Variants in ZNF385D observed in about 807,000 individuals in gnomAD.
ZNF385D encodes the protein zinc finger protein 659.
ZNF385D carries 15 observed loss-of-function variants against 35.8 expected under a neutral mutation model. That is an observed-to-expected ratio of 0.42 (90% confidence interval 0.28 to 0.64). The LOEUF is 0.64. Ranked by LOEUF, ZNF385D falls within the 30% of genes least tolerant of loss-of-function variation. The pLI is 0.23. For synonymous variants in ZNF385D, 212 were observed against 186.8 expected (o/e 1.13, Z -1.10); for missense variants, 474 against 494.6 (o/e 0.96, Z 0.39).
chr3:21,764,970 T>C (rs192825026), intron 3 of ZNF385D, among the ~76,000 whole-genome samples: 1 of 152,286 alleles, frequency 6.6e-6, no homozygotes, highest in African/African-American at 2.4e-5. Flanking sequence ...AAAGATCTTC[T>C]AGCATTGAGA....
At chr3:21,441,700 G>A (rs1663981173) in intron 4 of ZNF385D, 2 of 985,200 alleles carry the variant, frequency 2.0e-6, no homozygotes, top group African/African-American at 3.5e-5. Context: ...TGTGCAGAAT[G>A]GTAAGAATAA....
At chr3:21,757,626 C>T (rs908635366) in intron 3 of ZNF385D, among the ~76,000 whole-genome samples, 2 of 152,092 alleles carry the variant, frequency 1.3e-5, no homozygotes, top group Non-Finnish European at 1.5e-5. Flanking sequence ...CTGTCCTAGG[C>T]GCTAAAGGTA....
chr3:21,957,926 A>G (rs952493857), intron 3 of ZNF385D, among the ~76,000 whole-genome samples: 5 of 152,114 alleles, frequency 3.3e-5, no homozygotes, highest in Non-Finnish European at 5.9e-5. Flanking sequence ...CTAATGTACC[A>G]CTAATGTTGT....
At position 21,811,903 on chromosome 3, in the gene ZNF385D, C is replaced by T. The variant is rs541709829; in HGVS notation, c.326-146875G>A. Among the ~76,000 whole-genome samples, 10 of 152,248 alleles carry T rather than the reference C, an allele frequency of 6.6e-5. 1 individual carries two copies. The South Asian group carries it at 2.1e-3, about 32-fold the overall frequency. ...TAGATTAGGGTAACAAAACCTGATC[C>T]ATTGATCAATCTTAACAACACACAA... On this transcript the variant is annotated intron_variant, in intron 3 of 5. Coordinates refer to the ZNF385D transcript ENST00000494108.
intron 3 of ZNF385D, among the ~76,000 whole-genome samples, chr3:21,815,008 T>G (rs2073086014): frequency 6.6e-6 from 1 of 152,136 alleles, no homozygotes. Context: ...GTAGTCAAAT[T>G]AGAACTCAGA....
intron 3 of ZNF385D, among the ~76,000 whole-genome samples, chr3:22,043,162 C>A (rs1447387963): frequency 6.6e-6 from 1 of 152,006 alleles, no homozygotes; most frequent in African/African-American, 2.4e-5. Flanking sequence ...GTTATTTATC[C>A]CTAATGTTAA....
intron 3 of ZNF385D, among the ~76,000 whole-genome samples, chr3:22,046,232 T>C (rs1282352598): frequency 6.6e-6 from 1 of 152,006 alleles, no homozygotes; most frequent in Admixed American, 6.6e-5. Flanking sequence ...CAACACACAT[T>C]TTTGTAGATT....
intron 3 of ZNF385D, among the ~76,000 whole-genome samples, chr3:21,976,870 C>A (rs1576060399): frequency 6.6e-6 from 1 of 152,130 alleles, no homozygotes; most frequent in South Asian, 2.1e-4. Flanking sequence ...TGCCTGTAAT[C>A]CCAGCTACTT....
intron 1 of ZNF385D, among the ~76,000 whole-genome samples, chr3:21,706,855 A>ATAGATAG (rs879552068): frequency 1.0e-3 from 150 of 144,226 alleles, no homozygotes; most frequent in African/African-American, 3.7e-3. Context: ...TAGATAGATA[A>ATAGATAG]ATAGATTAGA....
At chr3:22,093,486 A>G (rs1044860032) in intron 3 of ZNF385D, among the ~76,000 whole-genome samples, 16 of 152,092 alleles carry the variant, frequency 1.1e-4, no homozygotes, top group Admixed American at 9.8e-4. Context: ...TTTATCTTTC[A>G]CAAAGGATAA....
chr3:21,988,449 C>T (rs1168111269), intron 3 of ZNF385D, among the ~76,000 whole-genome samples: 2 of 135,512 alleles, frequency 1.5e-5, no homozygotes, highest in Admixed American at 1.4e-4. Context: ...CAGTGTGCCC[C>T]TGCTGGGGGG....
At chr3:22,139,045 C>T (rs533268437) in intron 3 of ZNF385D, among the ~76,000 whole-genome samples, 11 of 152,280 alleles carry the variant, frequency 7.2e-5, no homozygotes, top group Admixed American at 2.0e-4. Flanking sequence ...GACATTTATG[C>T]GGCCAACAGA....
intron 3 of ZNF385D, among the ~76,000 whole-genome samples, chr3:21,946,481 T>C (rs776910866): frequency 3.9e-5 from 6 of 152,314 alleles, no homozygotes; most frequent in Admixed American, 2.0e-4. Flanking sequence ...CTAATACATA[T>C]TTTTAAGTAG....
At chr3:22,342,004 G>T (rs534654825) in intron 2 of ZNF385D, among the ~76,000 whole-genome samples, 1 of 151,960 alleles carries the variant, frequency 6.6e-6, no homozygotes, top group Non-Finnish European at 1.5e-5. Flanking sequence ...GGCCGGGCGC[G>T]GTGGCTCACG....
At chr3:21,458,837 G>A (rs1702991512) in intron 4 of ZNF385D, among the ~76,000 whole-genome samples, 1 of 151,670 alleles carries the variant, frequency 6.6e-6, no homozygotes, top group South Asian at 2.1e-4. Context: ...CTGATGATGA[G>A]TATGTGGTTT....
At chr3:22,057,912 T>G (rs1471270474) in intron 3 of ZNF385D, among the ~76,000 whole-genome samples, 1 of 152,144 alleles carries the variant, frequency 6.6e-6, no homozygotes, top group East Asian at 1.9e-4. Flanking sequence ...ATGGAGAAAA[T>G]CATTACAGTT....
chr3:22,019,950 G>A (rs1021971681), intron 3 of ZNF385D, among the ~76,000 whole-genome samples: 7 of 151,718 alleles, frequency 4.6e-5, no homozygotes, highest in African/African-American at 1.7e-4. Context: ...CCCAAATGCT[G>A]TGGTAGATAA....
intron 3 of ZNF385D, among the ~76,000 whole-genome samples, chr3:22,122,562 AG>A (rs1219461838): frequency 6.6e-6 from 1 of 152,054 alleles, no homozygotes; most frequent in East Asian, 1.9e-4. Context: ...AAAGTGACAA[AG>A]CTCTCTGCAT....
chr3:21,530,562 C>T (rs779399870), intron 3 of ZNF385D, among the ~76,000 whole-genome samples: 20 of 152,104 alleles, frequency 1.3e-4, no homozygotes, highest in Non-Finnish European at 2.4e-4. Context: ...GGAGAAAATA[C>T]TAGTAATCTT....
Sources: allele counts gnomAD v4.1 joint callset (sites outside exome capture counted in the v4.1 genomes callset), GRCh38; gene constraint gnomAD v4.1.1; transcripts MANE v1.5; gene names NCBI Gene and HGNC (gene_info 2026-07-23, HGNC 2026-07-21).